Variants in PDE7B observed in about 807,000 individuals in gnomAD.
PDE7B encodes the protein phosphodiesterase 7B, also known as 3',5'-cyclic-AMP phosphodiesterase 7B.
Under a neutral mutation model 56.2 loss-of-function variants are expected in PDE7B, and 29 were observed. That is an observed-to-expected ratio of 0.52 (90% CI 0.38 to 0.70). The LOEUF (loss-of-function observed/expected upper bound fraction) is 0.70, where lower values mean the gene tolerates loss of function less well. Ranked by LOEUF, PDE7B falls within the 30% of genes least tolerant of loss-of-function variation. PDE7B has a pLI of 0.00. For missense variants in PDE7B, 490 were observed against 565.0 expected, an observed-to-expected ratio of 0.87 and a Z score of 1.35; for synonymous variants, 197 against 196.9, an observed-to-expected ratio of 1.00 and a Z score of 0.00.
At chr6:136,125,574 AAAAT>A (rs968059567) in intron 3 of PDE7B, among the ~76,000 whole-genome samples, 5 of 152,070 alleles carry the variant, frequency 3.3e-5, no homozygotes, top group South Asian at 2.1e-4. Context: ...GTCCCTAAAA[AAAAT>A]AAATAAATAA....
At chr6:136,127,328 C>T (rs945436415) in intron 3 of PDE7B, among the ~76,000 whole-genome samples, 1 of 152,122 alleles carries the variant, frequency 6.6e-6, no homozygotes, top group Non-Finnish European at 1.5e-5. Context: ...GTAATGCCTC[C>T]CACATTGAAC....
intron 2 of PDE7B, among the ~76,000 whole-genome samples, chr6:136,035,957 A>C (rs1467055074): frequency 3.3e-5 from 5 of 152,222 alleles, no homozygotes; most frequent in Non-Finnish European, 4.4e-5. Context: ...CCTGATGCTA[A>C]GTACTATTGC....
At chr6:136,075,664 T>C (rs909136803) in intron 2 of PDE7B, among the ~76,000 whole-genome samples, 1 of 152,240 alleles carries the variant, frequency 6.6e-6, no homozygotes, top group African/African-American at 2.4e-5. Flanking sequence ...TGGCCATCTC[T>C]TCTCCCTTGT....
chr6:135,909,620 TAATAAATAAATA>T (rs1004856125), intron 1 of PDE7B, among the ~76,000 whole-genome samples: 3 of 73,912 alleles, frequency 4.1e-5, no homozygotes, highest in Non-Finnish European at 1.2e-4. Flanking sequence ...AATAAATAAA[TAATAAATAAATA>T]AATAAATATT....
At chr6:135,927,360 G>T (rs1394026168) in intron 1 of PDE7B, among the ~76,000 whole-genome samples, 1 of 151,892 alleles carries the variant, frequency 6.6e-6, no homozygotes, top group Non-Finnish European at 1.5e-5. Context: ...GGATTACTTG[G>T]GTGACTCAGG....
At chr6:136,056,749 C>G (rs1218612916) in intron 2 of PDE7B, among the ~76,000 whole-genome samples, 1 of 151,948 alleles carries the variant, frequency 6.6e-6, no homozygotes, top group Non-Finnish European at 1.5e-5. Context: ...CCAGGCTGGT[C>G]TCAAACTCCA....
At chr6:135,876,290 G>A (rs1775491296) in intron 1 of PDE7B, among the ~76,000 whole-genome samples, 1 of 152,166 alleles carries the variant, frequency 6.6e-6, no homozygotes, top group East Asian at 1.9e-4. Context: ...CTGTGGATCT[G>A]AGGCTGTCGG....
chr6:135,969,419 A>G (rs959615437), intron 2 of PDE7B, among the ~76,000 whole-genome samples: 1 of 152,192 alleles, frequency 6.6e-6, no homozygotes, highest in Admixed American at 6.6e-5. Context: ...ATAATGAGGA[A>G]TGAATCAGAG....
At chr6:136,065,189 C>G (rs1248303019) in intron 2 of PDE7B, among the ~76,000 whole-genome samples, 1 of 152,182 alleles carries the variant, frequency 6.6e-6, no homozygotes, top group African/African-American at 2.4e-5. Flanking sequence ...AGGGTTTTCT[C>G]AGTTTGCTTT....
chr6:135,950,774 C>A (rs946698682), intron 2 of PDE7B, among the ~76,000 whole-genome samples: 3 of 152,086 alleles, frequency 2.0e-5, no homozygotes, highest in African/African-American at 7.2e-5. Context: ...TGGCGAGTCC[C>A]CATATCATTC....
chr6:135,927,806 A>G (rs959598711), intron 1 of PDE7B, among the ~76,000 whole-genome samples: 1 of 152,212 alleles, frequency 6.6e-6, no homozygotes, highest in African/African-American at 2.4e-5. Context: ...AATTAAACTA[A>G]AGAGTTTTTG....
At chr6:135,990,307 G>A (rs1386667880) in intron 2 of PDE7B, among the ~76,000 whole-genome samples, 2 of 152,114 alleles carry the variant, frequency 1.3e-5, no homozygotes, top group East Asian at 1.9e-4. Flanking sequence ...TGTTGGCCTG[G>A]CTGGTCACGA....
intron 2 of PDE7B, chr6:136,037,828 T>C (rs1776349775): frequency 3.0e-6 from 3 of 985,082 alleles, no homozygotes; most frequent in Admixed American, 6.2e-5. Flanking sequence ...CAAAAGAGAA[T>C]TGAGAACAAA....
At chr6:136,049,304 G>A (rs184356547) in intron 2 of PDE7B, 607 of 152,208 alleles carry the variant, frequency 4.0e-3, no homozygotes, top group Non-Finnish European at 7.0e-3. Flanking sequence ...GTCTTGCTAC[G>A]TTGCCCAGGC....
chr6:135,863,119 T>C (rs991771757), intron 1 of PDE7B, among the ~76,000 whole-genome samples: 2 of 151,986 alleles, frequency 1.3e-5, no homozygotes, highest in Non-Finnish European at 2.9e-5. Flanking sequence ...GAAGTAAATG[T>C]ATTCTGCAAT....
At chr6:136,155,795 T>G (rs1778593591) in intron 8 of PDE7B, 37 bp downstream of exon 8, 1 of 1,608,930 alleles carries the variant, frequency 6.2e-7, no homozygotes, top group Non-Finnish European at 8.5e-7. Context: ...CACAGTATGG[T>G]CAATCGCCTT....
chr6:136,054,189 T>A (rs1281972256), intron 2 of PDE7B, among the ~76,000 whole-genome samples: 1 of 152,218 alleles, frequency 6.6e-6, no homozygotes, highest in African/African-American at 2.4e-5. Flanking sequence ...TGGTTTTAGG[T>A]CTAACATTTA....
chr6:135,913,782 T>A (rs574228353), intron 1 of PDE7B, among the ~76,000 whole-genome samples: 3 of 152,344 alleles, frequency 2.0e-5, no homozygotes, highest in African/African-American at 7.2e-5. Context: ...ATATGCATTA[T>A]TTTTATATGG....
intron 2 of PDE7B, among the ~76,000 whole-genome samples, chr6:136,089,969 C>T (rs1777359274): frequency 6.6e-6 from 1 of 152,170 alleles, no homozygotes; most frequent in African/African-American, 2.4e-5. Flanking sequence ...AGCCATCTGT[C>T]TTTCCAAAGC....
Sources: gnomAD v4.1 joint callset for allele counts (sites outside exome capture counted in the v4.1 genomes callset) on GRCh38, gnomAD v4.1.1 for gene constraint, MANE v1.5 for transcripts, NCBI Gene and HGNC (gene_info 2026-07-23, HGNC 2026-07-21) for gene names.